Variants in FRMD4B observed in about 807,000 individuals in gnomAD.
FRMD4B encodes FERM domain containing 4B.
Under a neutral mutation model 141.5 loss-of-function variants are expected in FRMD4B, and 74 were observed. The ratio of observed to expected loss-of-function variants is 0.52; its 90% confidence interval spans 0.43 to 0.63. The LOEUF is 0.63. FRMD4B is among the 30% of genes least tolerant of loss of function. FRMD4B has a pLI of 0.00. For synonymous variants in FRMD4B, 506 were observed against 467.9 expected, an observed-to-expected ratio of 1.08 and a Z score of -1.05; for missense variants, 1,366 against 1,253.4, an observed-to-expected ratio of 1.09 and a Z score of -1.36.
At chr3:69,196,129 A>G (rs1399201872) in intron 14 of FRMD4B, 126 bp downstream of exon 14, 4 of 729,972 alleles carry the variant, frequency 5.5e-6, no homozygotes, top group Admixed American at 5.7e-5. Context: ...TGTCGCATAC[A>G]TACTTATTGA....
At chr3:69,341,024 T>G (rs1220350734) in intron 1 of FRMD4B, among the ~76,000 whole-genome samples, 1 of 152,246 alleles carries the variant, frequency 6.6e-6, no homozygotes, top group Non-Finnish European at 1.5e-5. Flanking sequence ...GAGTTGCATA[T>G]TCATTTTATA....
intron 1 of FRMD4B, among the ~76,000 whole-genome samples, chr3:69,344,718 T>A (rs935460544): frequency 5.3e-5 from 8 of 152,146 alleles, no homozygotes; most frequent in African/African-American, 1.9e-4. Flanking sequence ...CTACTGTCCC[T>A]CCTGACTGGA....
intron 11 of FRMD4B, among the ~76,000 whole-genome samples, chr3:69,212,032 C>CT: frequency 7.0e-6 from 1 of 142,082 alleles, no homozygotes; most frequent in African/African-American, 2.6e-5. Context: ...AGACACCCCC[C>CT]AAAAAAAAAA....
chr3:69,332,793 G>A (rs11714469), intron 1 of FRMD4B, among the ~76,000 whole-genome samples: 40,664 of 106,662 alleles, frequency 0.38, 7,114 homozygotes, highest in Middle Eastern at 0.5. Context: ...TTGCAATTTT[G>A]CCCAGGCTGT....
intron 1 of FRMD4B, among the ~76,000 whole-genome samples, chr3:69,364,869 T>TTTTG (rs1703592559): frequency 6.6e-6 from 1 of 151,998 alleles, no homozygotes; most frequent in African/African-American, 2.4e-5. Flanking sequence ...CTCACTTGTT[T>TTTTG]TTTTAAAAAA....
At chr3:69,512,203 A>C (rs913150599) in intron 1 of FRMD4B, among the ~76,000 whole-genome samples, 3 of 152,222 alleles carry the variant, frequency 2.0e-5, no homozygotes, top group Non-Finnish European at 4.4e-5. Flanking sequence ...GAGGCACTGC[A>C]CGGGGCTGGA....
chr3:69,384,039 A>G (rs1224131773), intron 1 of FRMD4B, among the ~76,000 whole-genome samples: 1 of 151,832 alleles, frequency 6.6e-6, no homozygotes, highest in Non-Finnish European at 1.5e-5. Flanking sequence ...GGCTCAAGGG[A>G]TCTTCCTGCC....
chr3:69,344,091 G>A (rs1314402827), intron 1 of FRMD4B, among the ~76,000 whole-genome samples: 1 of 152,088 alleles, frequency 6.6e-6, no homozygotes, highest in Non-Finnish European at 1.5e-5. Context: ...GGAATCCAAG[G>A]GCCAGTGTCA....
intron 3 of FRMD4B, among the ~76,000 whole-genome samples, chr3:69,308,812 T>G (rs1436530716): frequency 6.6e-6 from 1 of 152,124 alleles, no homozygotes; most frequent in African/African-American, 2.4e-5. Context: ...TGCACTGGTT[T>G]TTGTTTGTAA....
At chr3:69,180,786 G>T in intron 21 of FRMD4B, 113 bp downstream of exon 21, 1 of 692,750 alleles carries the variant, frequency 1.4e-6, no homozygotes. Flanking sequence ...CCGAATGGTT[G>T]CCCCACTTTT....
At chr3:69,270,693 G>A (rs920521328) in intron 5 of FRMD4B, among the ~76,000 whole-genome samples, 1 of 151,512 alleles carries the variant, frequency 6.6e-6, no homozygotes, top group African/African-American at 2.4e-5. Flanking sequence ...AGCCTCCCGA[G>A]TAGCTGGGAC....
At chr3:69,455,578 A>G (rs1416600732) in intron 1 of FRMD4B, among the ~76,000 whole-genome samples, 2 of 152,174 alleles carry the variant, frequency 1.3e-5, no homozygotes, top group African/African-American at 4.8e-5. Context: ...ACGGAACATC[A>G]GAAGGAACAA....
In FRMD4B at chr3:69,176,513, T is replaced by G. The variant is rs1224524831; in HGVS notation, c.2984+11A>C. The G allele has an allele frequency of 4.4e-6, 7 of 1,607,294 alleles. No homozygotes were observed. Among genetic ancestry groups the G allele is most frequent in the East Asian group, 2.2e-5 (1 of 44,830 alleles). On this transcript the variant is annotated intron_variant, in intron 22 of 22. Coordinates refer to ENST00000398540, the MANE Select transcript of FRMD4B (RefSeq NM_015123.3). ...ACAGGCTCCTAGGATTTTCGAGCAT[T>G]GCTTCCTCACCTGCTTGGAGAGGGT...
chr3:69,244,663 C>G (rs9872739), intron 7 of FRMD4B, among the ~76,000 whole-genome samples: 46,145 of 151,710 alleles, frequency 0.3, 7,938 homozygotes, highest in African/African-American at 0.47. Flanking sequence ...GGGAGGCTGA[C>G]GTGGGCGGAT....
intron 1 of FRMD4B, among the ~76,000 whole-genome samples, chr3:69,468,408 T>C (rs1705829033): frequency 6.6e-6 from 1 of 152,178 alleles, no homozygotes; most frequent in Non-Finnish European, 1.5e-5. Context: ...CTCAGTGATG[T>C]TTATTTCTTA....
chr3:69,447,328 A>C (rs1048370256), intron 1 of FRMD4B, among the ~76,000 whole-genome samples: 8 of 152,236 alleles, frequency 5.3e-5, no homozygotes, highest in Admixed American at 2.0e-4. Context: ...TAATGAGTAA[A>C]TAACCAGAAC....
intron 1 of FRMD4B, among the ~76,000 whole-genome samples, chr3:69,513,965 G>T (rs1706730350): frequency 6.6e-6 from 1 of 152,120 alleles, no homozygotes; most frequent in African/African-American, 2.4e-5. Flanking sequence ...AATGGTGAAA[G>T]ACAAAGCATT....
At chr3:69,313,018 C>T (rs9844084) in intron 2 of FRMD4B, among the ~76,000 whole-genome samples, 2,161 of 152,298 alleles carry the variant, frequency 0.014, 53 homozygotes, top group African/African-American at 0.05. Flanking sequence ...AGGCAGTTCA[C>T]AGCTAATGAA....
At chr3:69,332,703 A>C (rs966803419) in intron 1 of FRMD4B, among the ~76,000 whole-genome samples, 1 of 147,756 alleles carries the variant, frequency 6.8e-6, no homozygotes. Flanking sequence ...CAGCTTCCCG[A>C]GTAGCTAGGA....
Sources: gnomAD v4.1 joint callset for allele counts (sites outside exome capture counted in the v4.1 genomes callset) on GRCh38, gnomAD v4.1.1 for gene constraint, MANE v1.5 for transcripts, NCBI Gene and HGNC (gene_info 2026-07-23, HGNC 2026-07-21) for gene names.